Variants in TBL1XR1 observed in about 807,000 individuals in gnomAD.
TBL1XR1 encodes the protein F-box-like/WD repeat-containing protein TBL1XR1.
In TBL1XR1, 5 loss-of-function variants were observed where a neutral mutation model predicts 66.9. That is an observed-to-expected ratio of 0.07 (90% CI 0.04 to 0.16). The LOEUF (loss-of-function observed/expected upper bound fraction) is 0.16, where lower values mean the gene tolerates loss of function less well. Ranked by LOEUF, TBL1XR1 falls within the 10% of genes least tolerant of loss-of-function variation. The pLI is 1.00. For synonymous variants in TBL1XR1, 210 were observed against 206.0 expected (o/e 1.02, Z -0.17); for missense variants, 238 against 623.2 (o/e 0.38, Z 6.58).
intron 2 of TBL1XR1, among the ~76,000 whole-genome samples, chr3:177,068,361 T>C (rs1263825935): frequency 6.6e-6 from 1 of 152,222 alleles, no homozygotes; most frequent in Non-Finnish European, 1.5e-5. Flanking sequence ...ACCATAGCTA[T>C]ATTAATGTAG....
intron 1 of TBL1XR1, among the ~76,000 whole-genome samples, chr3:177,195,846 T>C (rs1736782053): frequency 6.6e-6 from 1 of 152,142 alleles, no homozygotes; most frequent in Non-Finnish European, 1.5e-5. Context: ...AATAGTAAAC[T>C]TTCCTAAGTC....
intron 3 of TBL1XR1, among the ~76,000 whole-genome samples, chr3:177,054,146 A>T (rs1445962797): frequency 6.6e-6 from 1 of 152,010 alleles, no homozygotes; most frequent in Admixed American, 6.6e-5. Flanking sequence ...TACTCTTTAA[A>T]ATTTCTAGTA....
chr3:177,021,277 G>C lies in TBL1XR1; in HGVS notation c.*4221C>G, dbSNP rs531455724. On this transcript the variant is annotated 3_prime_UTR_variant, in exon 16 of 16. Transcript: ENST00000457928. ...CAGTCTGTGTGTTTTTGTTTGTAAT[G>C]AGATGGATAAGTACATCAGACTAGA... The C allele has an allele frequency of 6.6e-6, 1 of 152,322 alleles. No individual in the cohort carries two copies. Among genetic ancestry groups the C allele is most frequent in the Non-Finnish European group, 1.5e-5 (1 of 67,940 alleles). The allele number at this position is 152,322 out of a possible 1,614,324, so 9.4% of individuals were successfully genotyped here. A position where few individuals can be genotyped will look rare whatever the true frequency, so the allele number is the denominator to read the frequency against.
At chr3:177,169,893 T>G (rs1347370492) in intron 1 of TBL1XR1, among the ~76,000 whole-genome samples, 1 of 142,896 alleles carries the variant, frequency 7.0e-6, no homozygotes, top group Non-Finnish European at 1.5e-5. Flanking sequence ...AAAATACTCC[T>G]TATTGATCAG....
intron 3 of TBL1XR1, among the ~76,000 whole-genome samples, chr3:177,056,898 A>G (rs552481776): frequency 1.4e-4 from 22 of 151,962 alleles, no homozygotes; most frequent in Admixed American, 1.0e-3. Flanking sequence ...TGCTATACAC[A>G]TTTCTTTCCC....
intron 3 of TBL1XR1, among the ~76,000 whole-genome samples, chr3:177,058,865 T>A (rs1011005262): frequency 2.6e-4 from 40 of 152,192 alleles, no homozygotes; most frequent in African/African-American, 8.9e-4. Flanking sequence ...TAATACGAAT[T>A]TCCTGTGTCA....
At chr3:177,063,522 T>C (rs1357563564) in intron 3 of TBL1XR1, among the ~76,000 whole-genome samples, 1 of 152,250 alleles carries the variant, frequency 6.6e-6, no homozygotes, top group Non-Finnish European at 1.5e-5. Flanking sequence ...GAGTTTGCTT[T>C]AACCCAACAA....
intron 1 of TBL1XR1, chr3:177,126,128 C>T (rs1036314529): frequency 1.3e-5 from 2 of 152,112 alleles, no homozygotes; most frequent in Admixed American, 6.5e-5. Flanking sequence ...CATCAGTTAC[C>T]GCATTTTTAA....
At chr3:177,135,338 CATATATATAT>C (rs1177634107) in intron 1 of TBL1XR1, among the ~76,000 whole-genome samples, 14 of 22,478 alleles carry the variant, frequency 6.2e-4, no homozygotes, top group South Asian at 4.5e-3. Flanking sequence ...TGTGTGTATA[CATATATATAT>C]ATATATATAT....
At position 177,023,025 on chromosome 3, in the gene TBL1XR1, GA is replaced by G. The variant is rs58640664; in HGVS notation, c.*2472del. The G allele has an allele frequency of 0.036, 5,234 of 144,970 alleles. 317 individuals carry two copies. Among genetic ancestry groups the G allele is most frequent in the African/African-American group, 0.12 (4,894 of 39,864 alleles). The allele number at this position is 144,970 out of a possible 1,614,324, so 9.0% of individuals were successfully genotyped here. ...AAGTAAAATAGCTAAAGAAAAAAAA[GA>G]AAAAAAAAACAGAAAAGATGACAAT... is the stretch of plus-strand genomic sequence containing the variant. On this transcript the variant is annotated 3_prime_UTR_variant, in exon 16 of 16. Coordinates refer to ENST00000457928, the MANE Select transcript of TBL1XR1 (RefSeq NM_024665.7).
chr3:177,057,582 C>T (rs985032481), intron 3 of TBL1XR1, among the ~76,000 whole-genome samples: 23 of 152,162 alleles, frequency 1.5e-4, no homozygotes, highest in African/African-American at 5.3e-4. Context: ...AAAACTTGAA[C>T]TAGTTTTGTG....
At chr3:177,163,637 G>A (rs1732480764) in intron 1 of TBL1XR1, among the ~76,000 whole-genome samples, 1 of 152,132 alleles carries the variant, frequency 6.6e-6, no homozygotes. Context: ...TGGGGAGAGG[G>A]TGTAAAGTAT....
chr3:177,134,967 C>G (rs9876697), intron 1 of TBL1XR1, among the ~76,000 whole-genome samples: 98,339 of 136,676 alleles, frequency 0.72, 34,844 homozygotes, highest in East Asian at 0.9. Context: ...GTGTGTGTGT[C>G]TGTGTGTGTG....
chr3:177,044,686 AAAAAC>A (rs1268371383), intron 10 of TBL1XR1, among the ~76,000 whole-genome samples: 1 of 152,186 alleles, frequency 6.6e-6, no homozygotes, highest in Non-Finnish European at 1.5e-5. Context: ...AAATTGTCTT[AAAAAC>A]AAAAGTATGG....
Position 177,026,470 on chromosome 3 carries a change from C to T in TBL1XR1, c.1421G>A (p.Gly474Asp). Residue 474 changes from glycine (G) to aspartate (D), a missense_variant, in exon 15 of 16, where the codon GGT (glycine) becomes GAT (aspartate). Gly to Asp is a moderately conservative substitution (Grantham distance 94). Around this residue, in one of 8 missense-constraint regions of TBL1XR1, gnomAD observed 26 missense variants for 35.1 expected, o/e 0.74. Transcript: ENST00000457928. ...KCVHIWNTQT[G>D]ALVHSYRGTG... is the part of the protein sequence containing the mutation. The stretch of plus-strand genomic sequence containing the variant: ...TCCCCTATAGCTGTGAACTAGAGCA[C>T]CTGTCTAAAAGAATGAAAAACAAAA... 6.3e-7 allele frequency: 1 copy of T among 1,594,084 alleles called. No individual in the cohort carries two copies. Among genetic ancestry groups the T allele is most frequent in the Non-Finnish European group, 8.5e-7 (1 of 1,174,192 alleles).
chr3:177,146,367 A>C (rs979204081), intron 1 of TBL1XR1, among the ~76,000 whole-genome samples: 2 of 151,570 alleles, frequency 1.3e-5, no homozygotes, highest in Non-Finnish European at 2.9e-5. Flanking sequence ...GCTCACTGCA[A>C]CCTTTGCCTC....
At chr3:177,152,299 C>T (rs929743430) in intron 1 of TBL1XR1, among the ~76,000 whole-genome samples, 2 of 152,052 alleles carry the variant, frequency 1.3e-5, no homozygotes, top group African/African-American at 4.8e-5. Flanking sequence ...TTCCCCAGAG[C>T]CAAGTACTTG....
chr3:177,026,778 T>C (rs1214579936), intron 14 of TBL1XR1: 1 of 242,932 alleles, frequency 4.1e-6, no homozygotes, highest in African/African-American at 2.2e-5. Context: ...AAACAGTCAG[T>C]CTATCACATG....
At chr3:177,168,846 T>G (rs970729739) in intron 1 of TBL1XR1, among the ~76,000 whole-genome samples, 2 of 152,204 alleles carry the variant, frequency 1.3e-5, no homozygotes, top group Non-Finnish European at 2.9e-5. Flanking sequence ...AAGTATTCAC[T>G]TCATTGAAAT....
Sources: allele counts gnomAD v4.1 joint callset (sites outside exome capture counted in the v4.1 genomes callset), GRCh38; gene constraint gnomAD v4.1.1; regional missense constraint gnomAD v4.1.1; transcripts MANE v1.5; gene names NCBI Gene and HGNC (gene_info 2026-07-23, HGNC 2026-07-21).